Variants in ATP6V1C2 observed in about 807,000 individuals in gnomAD.
ATP6V1C2 encodes ATPase H+ transporting V1 subunit C2.
Under a neutral mutation model 56.8 loss-of-function variants are expected in ATP6V1C2, and 45 were observed. The ratio of observed to expected loss-of-function variants is 0.79; its 90% CI spans 0.62 to 1.02. The LOEUF (loss-of-function observed/expected upper bound fraction) is 1.02, where lower values mean the gene tolerates loss of function less well. ATP6V1C2 is among the 50% of genes least tolerant of loss of function. ATP6V1C2 has a pLI of 0.00. For missense variants in ATP6V1C2, 463 were observed against 519.7 expected, an observed-to-expected ratio of 0.89 and a Z score of 1.06; for synonymous variants, 220 against 201.3, an observed-to-expected ratio of 1.09 and a Z score of -0.79.
chr2:10,778,617 A>T lies in ATP6V1C2; in HGVS notation c.1009A>T (p.Ile337Phe), dbSNP rs371986016. 195 of 1,614,156 alleles carry T rather than the reference A, an allele frequency of 1.2e-4. 3 individuals carry two copies. The South Asian group carries it at 2.0e-3, about 17-fold the overall frequency. The change falls in exon 12 of 14, where the codon ATT becomes TTT. Residue 337 changes from isoleucine (I) to phenylalanine (F), a missense_variant. Coordinates refer to ENST00000272238, the MANE Select transcript of ATP6V1C2 (RefSeq NM_001039362.2). ...CAAGGTGAACTTCAGTGAAGCCTTC[A>T]TTGCCTGGATCCACATCAAGGCCCT... Reference protein sequence around the residue: ...WLKVNFSEAFIAWIHIKALRV... With the variant: ...WLKVNFSEAFFAWIHIKALRV...
upstream of ATP6V1C2, chr2:10,721,623 G>C (rs1352940307): frequency 6.6e-6 from 1 of 151,698 alleles, no homozygotes; most frequent in Non-Finnish European, 1.5e-5. Context: ...GCGGGGCGCG[G>C]GGCAGCGAAG....
chr2:10,774,043 C>T (rs1037448257), intron 8 of ATP6V1C2, among the ~76,000 whole-genome samples: 4 of 152,354 alleles, frequency 2.6e-5, no homozygotes, highest in African/African-American at 7.2e-5. Context: ...TTGACAGGGC[C>T]GGCTGCCTTG....
intron 3 of ATP6V1C2, among the ~76,000 whole-genome samples, chr2:10,749,147 AAAAG>A (rs1378894305): frequency 1.3e-5 from 2 of 150,768 alleles, no homozygotes; most frequent in Non-Finnish European, 2.9e-5. Flanking sequence ...AAAAAAAAAA[AAAAG>A]AATGGAGTCT....
At chr2:10,722,680 T>A in intron 1 of ATP6V1C2, 144 bp from the exon 2 acceptor site, 1 of 866,102 alleles carries the variant, frequency 1.2e-6, no homozygotes. Context: ...CAGGTGGAGA[T>A]AAGAGCTTTG....
intron 5 of ATP6V1C2, among the ~76,000 whole-genome samples, chr2:10,766,581 T>C (rs2148484864): frequency 6.6e-6 from 1 of 152,322 alleles, no homozygotes. Context: ...GTATTTTTTT[T>C]CGTTTTTTTG....
intron 3 of ATP6V1C2, among the ~76,000 whole-genome samples, chr2:10,728,685 A>G (rs181695772): frequency 1.2e-3 from 184 of 151,966 alleles, no homozygotes; most frequent in Non-Finnish European, 2.2e-3. Flanking sequence ...CTGAGGTGGA[A>G]GAATCACCTG....
intron 6 of ATP6V1C2, 48 bp from the exon 7 acceptor site, chr2:10,771,791 C>A: frequency 1.4e-6 from 2 of 1,463,096 alleles, no homozygotes; most frequent in Non-Finnish European, 1.9e-6. Flanking sequence ...GTCACTGTGT[C>A]CCTTTCTGCT....
chr2:10,734,921 G>A (rs982216031), intron 3 of ATP6V1C2, among the ~76,000 whole-genome samples: 3 of 151,826 alleles, frequency 2.0e-5, no homozygotes, highest in African/African-American at 7.3e-5. Flanking sequence ...TCCTCTCTAC[G>A]AATAATACAA....
intron 13 of ATP6V1C2, among the ~76,000 whole-genome samples, chr2:10,782,829 CAAAAAAAAAAAAAAAAAAAA>C (rs60533807): frequency 3.8e-5 from 2 of 52,202 alleles, no homozygotes; most frequent in Non-Finnish European, 7.1e-5. Context: ...GACTCTGTCT[CAAAAAAAAAAAAAAAAAAAA>C]AAAAAAAAAA....
At chr2:10,723,707 C>G (rs898707365) in intron 2 of ATP6V1C2, among the ~76,000 whole-genome samples, 1 of 151,588 alleles carries the variant, frequency 6.6e-6, no homozygotes, top group African/African-American at 2.4e-5. Context: ...GGCATGGTGG[C>G]GAGCGCCTGT....
intron 4 of ATP6V1C2, among the ~76,000 whole-genome samples, chr2:10,764,054 AC>A (rs1291244697): frequency 6.6e-6 from 1 of 152,214 alleles, no homozygotes; most frequent in Non-Finnish European, 1.5e-5. Context: ...AACCACAGTC[AC>A]ACAGTCCAGT....
At chr2:10,745,151 CTCCTGCCTCAGCCTCCCGAGTATCTGGAT>C (rs2148443246) in intron 3 of ATP6V1C2, among the ~76,000 whole-genome samples, 1 of 136,750 alleles carries the variant, frequency 7.3e-6, no homozygotes, top group Admixed American at 7.9e-5. Flanking sequence ...TCAAGCAATT[CTCCTGCCTCAGCCTCCCGAGTATCTGGAT>C]GCCTGCCACC....
At chr2:10,776,756 C>T (rs115921758) in intron 10 of ATP6V1C2, among the ~76,000 whole-genome samples, 3,057 of 152,298 alleles carry the variant, frequency 0.02, 52 homozygotes, top group Middle Eastern at 0.041. Context: ...CTGGCCCAGG[C>T]CTGCCAGACC....
rs1198287172 is a variant in ATP6V1C2 at position 10,763,079 on chromosome 2, G to A, written c.284-1252G>A. On this transcript the variant is annotated intron_variant, in intron 4 of 13. Coordinates refer to ENST00000272238, the MANE Select transcript of ATP6V1C2 (RefSeq NM_001039362.2). This position sits in a 1 kb window ranked among gnomAD's most constrained non-coding sequence, Gnocchi z 4.2. ...TTCCCGTGCTAGGGGCTGAGTGGGCGGGATCTAGTGTTGTTTTGGCACGTG... is the reference window on the plus strand; with the variant it reads ...TTCCCGTGCTAGGGGCTGAGTGGGCAGGATCTAGTGTTGTTTTGGCACGTG... Among the ~76,000 whole-genome samples, 3 of 152,114 alleles carry A rather than the reference G, an allele frequency of 2.0e-5. No individual in the cohort carries two copies. Among genetic ancestry groups the A allele is most frequent in the African/African-American group, 4.8e-5 (2 of 41,414 alleles).
chr2:10,747,437 A>G (rs542492404), intron 3 of ATP6V1C2, among the ~76,000 whole-genome samples: 1 of 152,278 alleles, frequency 6.6e-6, no homozygotes, highest in African/African-American at 2.4e-5. Flanking sequence ...ACCTCTAAAA[A>G]CTTTAGGGTG....
At chr2:10,755,267 C>G (rs1377808994) in intron 4 of ATP6V1C2, among the ~76,000 whole-genome samples, 2 of 151,170 alleles carry the variant, frequency 1.3e-5, no homozygotes, top group African/African-American at 4.8e-5. Flanking sequence ...AACTCCTGAC[C>G]TCAGGTGATC....
rs1214273602 is a variant in ATP6V1C2 at position 10,784,981 on chromosome 2, A to C, written c.*1718A>C. 5 of 1,591,806 alleles carry C rather than the reference A, an allele frequency of 3.1e-6. No individual in the cohort carries two copies. In the African/African-American group the frequency reaches 6.7e-5, roughly 21 times the overall value. On this transcript the variant is annotated 3_prime_UTR_variant, in exon 14 of 14. Transcript: ENST00000272238. ...GGCTCTCTCTCAACGATGGTAGGGA[A>C]AGCCCCGCCTCCTACAGGTGCCGTG...
In ATP6V1C2 at chr2:10,783,217, A is replaced by G. The variant is rs754617031; in HGVS notation, c.1238A>G (p.Tyr413Cys). 2.2e-5 allele frequency: 36 copies of G among 1,613,674 alleles called. No homozygotes were observed. Among genetic ancestry groups the G allele is most frequent in the Non-Finnish European group, 3.1e-5 (36 of 1,179,782 alleles). Residue 413 changes from tyrosine (Y) to cysteine (C), a missense_variant, in exon 14 of 14, where the codon TAT (tyrosine) becomes TGT (cysteine). Tyr to Cys is a radical substitution (Grantham distance 194). Coordinates refer to ENST00000272238, the MANE Select transcript of ATP6V1C2 (RefSeq NM_001039362.2). Reference protein sequence around the residue: ...IPGLQLNNQDYFPYVYFHIDL... With the variant: ...IPGLQLNNQDCFPYVYFHIDL... Reference sequence around the variant, plus strand: ...GGACTGCAACTCAATAACCAAGACTATTTTCCTTATGTCTACTTCCATATT... The same window carrying G: ...GGACTGCAACTCAATAACCAAGACTGTTTTCCTTATGTCTACTTCCATATT...
At chr2:10,739,401 A>G (rs1662426985) in intron 3 of ATP6V1C2, among the ~76,000 whole-genome samples, 1 of 151,868 alleles carries the variant, frequency 6.6e-6, no homozygotes, top group Non-Finnish European at 1.5e-5. Context: ...TCACTTCCAG[A>G]CCCCTAGCTT....
Sources: allele counts gnomAD v4.1 joint callset (sites outside exome capture counted in the v4.1 genomes callset), GRCh38; gene constraint gnomAD v4.1.1; non-coding constraint Gnocchi (gnomAD v3.1); transcripts MANE v1.5; gene names NCBI Gene and HGNC (gene_info 2026-07-23, HGNC 2026-07-21).